ADAM18: variants seen among roughly 807,000 people sequenced by gnomAD.
ADAM18 encodes ADAM metallopeptidase domain 18.
In ADAM18, 117 loss-of-function variants were observed where a neutral mutation model predicts 94.4. The observed-to-expected ratio is 1.24, with a 90% CI of 1.07 to 1.45. ADAM18 has a LOEUF of 1.45. Among genes scored for constraint, ADAM18 ranks in the 40% most tolerant of loss-of-function variants. The probability of loss-of-function intolerance (pLI) is 0.00; values close to 1 mark genes in which losing one functional copy is unlikely to be tolerated. For synonymous variants in ADAM18, 327 were observed against 291.6 expected (o/e 1.12, Z -1.24); for missense variants, 936 against 880.0 (o/e 1.06, Z -0.81).
In ADAM18 at chr8:39,591,819, A is replaced by G. The variant is rs575109189; in HGVS notation, c.132+6467A>G. 3.9e-5 allele frequency among the ~76,000 whole-genome samples: 6 copies of G among 152,332 alleles called. No homozygotes were observed. In the South Asian group the frequency reaches 6.2e-4, roughly 16 times the overall value. On this transcript the variant is annotated intron_variant, in intron 2 of 19. Transcript: ENST00000265707. ...AGATCCAACAGAGGAATCACTATTT[A>G]TGGCAGCTATAGCCTTACAAAATGT... is the stretch of plus-strand genomic sequence containing the variant.
chr8:39,611,093 A>C (rs913322181), intron 6 of ADAM18: 1 of 998,348 alleles, frequency 1.0e-6, no homozygotes, highest in Non-Finnish European at 1.2e-6. Context: ...GCATGTTGCC[A>C]GATGCTCTTA....
intron 6 of ADAM18, among the ~76,000 whole-genome samples, chr8:39,616,279 A>G (rs940659481): frequency 1.3e-5 from 2 of 151,972 alleles, no homozygotes; most frequent in African/African-American, 2.4e-5. Flanking sequence ...GTGCACGTGT[A>G]TTCCCATGTA....
intron 14 of ADAM18, among the ~76,000 whole-genome samples, chr8:39,669,940 A>G (rs1821107803): frequency 6.6e-6 from 1 of 152,152 alleles, no homozygotes; most frequent in Admixed American, 6.5e-5. Context: ...AACAGTGTAA[A>G]AGTGTTCCTA....
chr8:39,593,146 A>G (rs1818626692), intron 2 of ADAM18, among the ~76,000 whole-genome samples: 1 of 152,186 alleles, frequency 6.6e-6, no homozygotes. Context: ...AGAAATGAAG[A>G]AAGTTAGGAC....
At chr8:39,606,503 G>A in intron 3 of ADAM18, 141 bp downstream of exon 3, 1 of 480,604 alleles carries the variant, frequency 2.1e-6, no homozygotes, top group Non-Finnish European at 3.6e-6. Context: ...TCCCAATTTA[G>A]GATTCATTAG....
intron 12 of ADAM18, among the ~76,000 whole-genome samples, chr8:39,655,904 A>AAT (rs959586728): frequency 6.6e-6 from 1 of 152,046 alleles, no homozygotes; most frequent in African/African-American, 2.4e-5. Context: ...AATACTTAGG[A>AAT]ATATATATAA....
intron 6 of ADAM18, among the ~76,000 whole-genome samples, chr8:39,621,535 T>C (rs1203510964): frequency 6.6e-6 from 1 of 151,850 alleles, no homozygotes; most frequent in African/African-American, 2.4e-5. Flanking sequence ...ATTTTGGAAG[T>C]TAATTTTATT....
At position 39,638,531 on chromosome 8, in the gene ADAM18, T is replaced by C. The variant is rs2129579318; in HGVS notation, c.894T>C (p.Asp298=). The C allele has an allele frequency of 1.9e-6, 3 of 1,572,180 alleles. No homozygotes were observed. The highest frequency in any genetic ancestry group is 1.2e-5 in the South Asian group (1 of 82,316). ...FPGTVCNKSY[D]AGIAMYPDAI... ...GCACTGTATGCAATAAAAGCTATGA[T>C]GCAGGTATTGCTATGGTATGTAATT... The change falls in exon 10 of 20, where the codon GAT becomes GAC. Residue 298 remains aspartate, a synonymous_variant. Coordinates refer to ENST00000265707, the MANE Select transcript of ADAM18 (RefSeq NM_014237.3).
At chr8:39,716,351 C>T (rs1586011187) in intron 18 of ADAM18, among the ~76,000 whole-genome samples, 1 of 152,012 alleles carries the variant, frequency 6.6e-6, no homozygotes. Context: ...ATGAACCTCC[C>T]TGTTAGTGCT....
At chr8:39,649,169 A>G (rs549101316) in intron 12 of ADAM18, among the ~76,000 whole-genome samples, 3 of 152,168 alleles carry the variant, frequency 2.0e-5, no homozygotes, top group African/African-American at 7.2e-5. Flanking sequence ...TTTATCCCCC[A>G]ACAGTTACAC....
chr8:39,613,611 G>C (rs1819347046), intron 6 of ADAM18, among the ~76,000 whole-genome samples: 2 of 152,124 alleles, frequency 1.3e-5, no homozygotes, highest in South Asian at 4.1e-4. Flanking sequence ...CTCTGTCAAT[G>C]GTTCTTAACC....
At chr8:39,707,650 G>A (rs886433267) in intron 18 of ADAM18, among the ~76,000 whole-genome samples, 2 of 152,102 alleles carry the variant, frequency 1.3e-5, no homozygotes, top group East Asian at 3.9e-4. Flanking sequence ...AGGAAAATAT[G>A]TATGTATGTA....
At position 39,611,518 on chromosome 8, in the gene ADAM18, G is replaced by A. The variant is rs905402871; in HGVS notation, c.522+812G>A. 55 of 984,906 alleles carry A rather than the reference G, an allele frequency of 5.6e-5. No individual in the cohort carries two copies. In the African/African-American group the frequency reaches 9.3e-4, roughly 17 times the overall value. The allele number at this position is 984,906 out of a possible 1,614,324, so 61.0% of individuals were successfully genotyped here. On this transcript the variant is annotated intron_variant, in intron 6 of 19. Transcript: ENST00000265707. ...CTACTTTAAAATTTGTCTCGATTTT[G>A]TAGTTCATTATTGCCAAAAGTATTT...
At chr8:39,624,791 AGC>A (rs1819715930) in intron 6 of ADAM18, among the ~76,000 whole-genome samples, 1 of 152,094 alleles carries the variant, frequency 6.6e-6, no homozygotes, top group Admixed American at 6.6e-5. Flanking sequence ...AAAAGTGTGT[AGC>A]ACCTCCCCTG....
chr8:39,662,413 C>G (rs1820866561), intron 12 of ADAM18, among the ~76,000 whole-genome samples: 1 of 151,936 alleles, frequency 6.6e-6, no homozygotes, highest in African/African-American at 2.4e-5. Flanking sequence ...CATTTACATG[C>G]ATACATATGA....
chr8:39,675,604 A>G (rs1019802501), intron 14 of ADAM18, among the ~76,000 whole-genome samples: 1 of 152,168 alleles, frequency 6.6e-6, no homozygotes, highest in African/African-American at 2.4e-5. Context: ...GTTATTACCA[A>G]CCTTCTGAAG....
chr8:39,645,478 A>G lies in ADAM18; in HGVS notation c.1046+4A>G. On this transcript the variant is annotated splice_donor_region_variant and intron_variant, in intron 11 of 19. Transcript: ENST00000265707. Reference sequence around the variant, plus strand: ...GCATCATGAATCATGAAGCAGTGTAAGATGTTTTCTTAATTAATTTCATTT... The same window carrying G: ...GCATCATGAATCATGAAGCAGTGTAGGATGTTTTCTTAATTAATTTCATTT... 2.5e-6 allele frequency: 4 copies of G among 1,597,392 alleles called. No individual in the cohort carries two copies. Among genetic ancestry groups the G allele is most frequent in the Non-Finnish European group, 3.4e-6 (4 of 1,175,518 alleles).
intron 16 of ADAM18, among the ~76,000 whole-genome samples, chr8:39,683,085 G>T (rs1821514562): frequency 6.6e-6 from 1 of 152,134 alleles, no homozygotes; most frequent in Non-Finnish European, 1.5e-5. Flanking sequence ...GCAACATTAG[G>T]ATATAACAGA....
At chr8:39,673,334 T>G (rs1435072594) in intron 14 of ADAM18, among the ~76,000 whole-genome samples, 1 of 152,160 alleles carries the variant, frequency 6.6e-6, no homozygotes, top group Non-Finnish European at 1.5e-5. Context: ...TATTATTTAT[T>G]GTACTTTAAG....
Sources: gnomAD v4.1 joint callset for allele counts (sites outside exome capture counted in the v4.1 genomes callset) on GRCh38, gnomAD v4.1.1 for gene constraint, MANE v1.5 for transcripts, NCBI Gene and HGNC (gene_info 2026-07-23, HGNC 2026-07-21) for gene names.